INPP4B: variants seen among roughly 807,000 people sequenced by gnomAD.
The protein encoded by INPP4B is inositol polyphosphate-4-phosphatase type II B, also known as inositol polyphosphate 4-phosphatase type II.
A neutral mutation model predicts 122.5 loss-of-function variants in INPP4B; 55 were observed. The ratio of observed to expected loss-of-function variants is 0.45; its 90% CI spans 0.36 to 0.56. The LOEUF (loss-of-function observed/expected upper bound fraction) is 0.56, where lower values mean the gene tolerates loss of function less well. INPP4B is among the 20% of genes least tolerant of loss of function. The pLI is 0.00. For missense variants in INPP4B, 1,000 were observed against 1,097.7 expected (o/e 0.91, Z 1.26); for synonymous variants, 403 against 388.7 (o/e 1.04, Z -0.43).
chr4:142,256,331 A>C (rs1251568917), intron 11 of INPP4B, among the ~76,000 whole-genome samples: 10 of 151,640 alleles, frequency 6.6e-5, no homozygotes, highest in East Asian at 1.9e-4. Context: ...AAAAGCTAGC[A>C]GAAGGCAAGA....
At chr4:142,047,825 T>C (rs979201767) in intron 25 of INPP4B, among the ~76,000 whole-genome samples, 1 of 152,082 alleles carries the variant, frequency 6.6e-6, no homozygotes, top group African/African-American at 2.4e-5. Flanking sequence ...GCAATCCCCA[T>C]GGTATTTTCC....
intron 1 of INPP4B, among the ~76,000 whole-genome samples, chr4:142,731,999 A>G (rs1766163158): frequency 6.6e-6 from 1 of 152,206 alleles, no homozygotes; most frequent in Admixed American, 6.5e-5. Flanking sequence ...ATGAGATCAC[A>G]TGAGGCCCAT....
At chr4:142,154,194 T>C (rs1815941595) in intron 17 of INPP4B, among the ~76,000 whole-genome samples, 1 of 151,880 alleles carries the variant, frequency 6.6e-6, no homozygotes, top group Non-Finnish European at 1.5e-5. Flanking sequence ...AACCCTATTA[T>C]GTGTGACTTA....
chr4:142,665,713 T>TA (rs1408948199), intron 2 of INPP4B, among the ~76,000 whole-genome samples: 1 of 152,102 alleles, frequency 6.6e-6, no homozygotes, highest in Non-Finnish European at 1.5e-5. Flanking sequence ...TGTGAAATGA[T>TA]AAAAAATTCA....
At chr4:142,345,845 T>A (rs1780157081) in intron 7 of INPP4B, among the ~76,000 whole-genome samples, 2 of 152,020 alleles carry the variant, frequency 1.3e-5, no homozygotes, top group African/African-American at 2.4e-5. Flanking sequence ...CATTTCCCTA[T>A]AATTGCTAGT....
rs1288871911 is a variant in INPP4B, at chr4:142,188,508, A to T, written c.1181+4579T>A. Among the ~76,000 whole-genome samples, 48 of 93,428 alleles carry T rather than the reference A, an allele frequency of 5.1e-4. 1 individual carries two copies. Among genetic ancestry groups the T allele is most frequent in the Middle Eastern group, 6.0e-3 (1 of 166 alleles). 61.3% of individuals were successfully genotyped at this position (93,428 alleles called of 152,430 possible). A position where few individuals can be genotyped will look rare whatever the true frequency, so the allele number is the denominator to read the frequency against. On this transcript the variant is annotated intron_variant, in intron 15 of 25. Coordinates refer to ENST00000262992, the MANE Select transcript of INPP4B (RefSeq NM_001101669.3). ...TCTCAAAAAAAAAAAAAAAAAAAAAAAAGAAAAAAAATATATATAGCTTGA... is the reference window on the plus strand; with the variant it reads ...TCTCAAAAAAAAAAAAAAAAAAAAATAAGAAAAAAAATATATATAGCTTGA...
chr4:142,551,128 A>G (rs1727884766), intron 2 of INPP4B, among the ~76,000 whole-genome samples: 1 of 152,188 alleles, frequency 6.6e-6, no homozygotes, highest in African/African-American at 2.4e-5. Context: ...TGAAGTGGCC[A>G]TTTGTTGTTT....
intron 2 of INPP4B, among the ~76,000 whole-genome samples, chr4:142,643,263 T>G (rs1750950104): frequency 6.6e-6 from 1 of 152,140 alleles, no homozygotes; most frequent in Admixed American, 6.6e-5. Flanking sequence ...ATGATGAATA[T>G]TGTAAAAACT....
chr4:142,239,550 C>G (rs1361134737), intron 11 of INPP4B, among the ~76,000 whole-genome samples: 1 of 151,930 alleles, frequency 6.6e-6, no homozygotes, highest in Non-Finnish European at 1.5e-5. Context: ...AACTTACAGC[C>G]AATCAATAAA....
intron 5 of INPP4B, among the ~76,000 whole-genome samples, chr4:142,428,439 G>GA (rs761603416): frequency 0.021 from 2,818 of 131,614 alleles, 85 homozygotes; most frequent in African/African-American, 0.072. Flanking sequence ...ACCATGACAG[G>GA]AAAAAAAAAA....
chr4:142,179,346 A>T (rs1829733189), intron 15 of INPP4B, among the ~76,000 whole-genome samples: 1 of 151,574 alleles, frequency 6.6e-6, no homozygotes, highest in South Asian at 2.1e-4. Context: ...GGCAGCATGC[A>T]CCTGTAGTCC....
At chr4:142,092,808 C>T (rs941919972) in intron 23 of INPP4B, among the ~76,000 whole-genome samples, 6 of 152,142 alleles carry the variant, frequency 3.9e-5, no homozygotes, top group African/African-American at 1.4e-4. Flanking sequence ...CAAATGTGTA[C>T]TGTTGATTTA....
chr4:142,470,096 A>T (rs576482984), intron 2 of INPP4B, among the ~76,000 whole-genome samples: 1 of 152,058 alleles, frequency 6.6e-6, no homozygotes, highest in Non-Finnish European at 1.5e-5. Flanking sequence ...GGAGGGGTCA[A>T]TTCTACTTTT....
chr4:142,282,889 T>A (rs79605854), intron 9 of INPP4B, among the ~76,000 whole-genome samples: 2,378 of 152,170 alleles, frequency 0.016, 61 homozygotes, highest in African/African-American at 0.054. Context: ...ATCTTAGCAT[T>A]CTGATTACCA....
chr4:142,510,505 A>T (rs1824574358), intron 2 of INPP4B, among the ~76,000 whole-genome samples: 1 of 152,232 alleles, frequency 6.6e-6, no homozygotes, highest in Non-Finnish European at 1.5e-5. Flanking sequence ...ACAATAAAAT[A>T]ATTAAACGCC....
intron 25 of INPP4B, among the ~76,000 whole-genome samples, chr4:142,052,253 TAA>T (rs1321261557): frequency 2.0e-5 from 3 of 152,130 alleles, no homozygotes; most frequent in African/African-American, 7.2e-5. Flanking sequence ...TAATGAAAAT[TAA>T]AGAGATTAGA....
At chr4:142,049,730 T>C (rs911832343) in intron 25 of INPP4B, among the ~76,000 whole-genome samples, 1 of 151,972 alleles carries the variant, frequency 6.6e-6, no homozygotes, top group Non-Finnish European at 1.5e-5. Flanking sequence ...ATATAAGAAA[T>C]AAAACTAACC....
chr4:142,572,139 G>A (rs1181632629), intron 2 of INPP4B, among the ~76,000 whole-genome samples: 1 of 152,060 alleles, frequency 6.6e-6, no homozygotes, highest in Non-Finnish European at 1.5e-5. Context: ...AAGATTGCTT[G>A]TCACACTGCT....
At chr4:142,251,114 A>G (rs72939267) in intron 11 of INPP4B, among the ~76,000 whole-genome samples, 117 of 152,272 alleles carry the variant, frequency 7.7e-4, no homozygotes, top group Middle Eastern at 3.4e-3. Context: ...CTCTTCTTCC[A>G]TAAGTAATAT....
Sources: gnomAD v4.1 joint callset for allele counts (sites outside exome capture counted in the v4.1 genomes callset) on GRCh38, gnomAD v4.1.1 for gene constraint, MANE v1.5 for transcripts, NCBI Gene and HGNC (gene_info 2026-07-23, HGNC 2026-07-21) for gene names.